The following MAGI2 variants were observed in gnomAD, a reference collection of about 807,000 sequenced individuals.
The protein encoded by MAGI2 is membrane associated guanylate kinase, WW and PDZ domain containing 2.
MAGI2 carries 35 observed loss-of-function variants against 133.3 expected under a neutral mutation model. The observed-to-expected ratio is 0.26, with a 90% CI of 0.20 to 0.35. MAGI2 has a LOEUF of 0.35. MAGI2 is among the 10% of genes least tolerant of loss of function. The probability of loss-of-function intolerance (pLI) is 1.00; values close to 1 mark genes in which losing one functional copy is unlikely to be tolerated. For synonymous variants in MAGI2, 729 were observed against 710.6 expected (o/e 1.03, Z -0.41); for missense variants, 1,636 against 1,863.4 (o/e 0.88, Z 2.25).
intron 3 of MAGI2, among the ~76,000 whole-genome samples, chr7:78,557,987 T>TA (rs1316773134): frequency 1.3e-5 from 2 of 151,326 alleles, no homozygotes; most frequent in Non-Finnish European, 3.0e-5. Context: ...TTTTTTTTTT[T>TA]AAAAAATAGT....
intron 9 of MAGI2, among the ~76,000 whole-genome samples, chr7:78,275,124 G>C (rs1794937731): frequency 6.6e-6 from 1 of 152,220 alleles, no homozygotes; most frequent in Non-Finnish European, 1.5e-5. Flanking sequence ...AAGATGGTGG[G>C]AAAAGCACAG....
chr7:78,068,329 G>A (rs1203873479), intron 21 of MAGI2, among the ~76,000 whole-genome samples: 2 of 152,168 alleles, frequency 1.3e-5, no homozygotes, highest in Non-Finnish European at 2.9e-5. Flanking sequence ...CCTGCTATGT[G>A]GCCCGGTTCC....
chr7:79,288,051 C>T (rs76421287), intron 1 of MAGI2, among the ~76,000 whole-genome samples: 3,289 of 152,176 alleles, frequency 0.022, 135 homozygotes, highest in African/African-American at 0.074. Context: ...TATTTATCAA[C>T]GCATATATAT....
At chr7:78,423,960 C>T (rs981246701) in intron 6 of MAGI2, among the ~76,000 whole-genome samples, 5 of 152,148 alleles carry the variant, frequency 3.3e-5, no homozygotes, top group African/African-American at 1.2e-4. Flanking sequence ...AAGAAAAACC[C>T]ATTTTCTGAG....
At chr7:78,203,188 CCTT>C (rs1445463589) in intron 10 of MAGI2, among the ~76,000 whole-genome samples, 15 of 152,268 alleles carry the variant, frequency 9.9e-5, no homozygotes, top group Non-Finnish European at 1.9e-4. Flanking sequence ...TGTGTCATCA[CCTT>C]CTTCCTGCAA....
chr7:78,533,357 T>A (rs576161068), intron 3 of MAGI2, among the ~76,000 whole-genome samples: 1 of 151,736 alleles, frequency 6.6e-6, no homozygotes, highest in African/African-American at 2.4e-5. Flanking sequence ...AGAAAATACA[T>A]AGGAATAAGA....
At chr7:78,511,025 T>A (rs541610873) in intron 4 of MAGI2, among the ~76,000 whole-genome samples, 10 of 152,300 alleles carry the variant, frequency 6.6e-5, no homozygotes, top group African/African-American at 2.4e-4. Flanking sequence ...CATGCTTTTG[T>A]GCAAACCCAA....
At chr7:78,259,337 T>C (rs111618333) in intron 9 of MAGI2, among the ~76,000 whole-genome samples, 4,228 of 152,240 alleles carry the variant, frequency 0.028, 95 homozygotes, top group Non-Finnish European at 0.037. Flanking sequence ...AGTTCTAGTT[T>C]CATCACTTAT....
intron 2 of MAGI2, among the ~76,000 whole-genome samples, chr7:78,716,284 G>C (rs79827040): frequency 1.4e-3 from 208 of 152,166 alleles, no homozygotes; most frequent in African/African-American, 4.6e-3. Flanking sequence ...AGTTGAGATG[G>C]CTTACTATTA....
chr7:78,467,446 CA>C (rs1219138191), intron 6 of MAGI2, among the ~76,000 whole-genome samples: 1 of 151,694 alleles, frequency 6.6e-6, no homozygotes, highest in South Asian at 2.1e-4. Context: ...TTAATTAAAA[CA>C]AAAAACTATC....
chr7:78,109,043 GC>G lies in MAGI2; in HGVS notation c.3567+16650del, dbSNP rs1819023780. Among the ~76,000 whole-genome samples, 5 of 152,006 alleles carry G rather than the reference GC, an allele frequency of 3.3e-5. No individual in the cohort carries two copies. In the South Asian group the frequency reaches 1.0e-3, roughly 31 times the overall value. ...ATCCGGGCTGGGCGCGGTGGCTCAT[GC>G]CTGTAATCCCAGCACTTTGGGAGGC... On this transcript the variant is annotated intron_variant, in intron 20 of 21. Transcript: ENST00000354212.
chr7:79,328,017 G>A (rs1358473), intron 1 of MAGI2, among the ~76,000 whole-genome samples: 87,164 of 151,860 alleles, frequency 0.57, 27,083 homozygotes, highest in Non-Finnish European at 0.69. Flanking sequence ...TTAACTGGCC[G>A]TCCTCTGAGA....
intron 1 of MAGI2, among the ~76,000 whole-genome samples, chr7:79,280,926 GAAAAAAAAAAAAAAAAAAA>G (rs71095390): frequency 1.1e-4 from 4 of 35,788 alleles, no homozygotes; most frequent in South Asian, 2.3e-3. Context: ...CTCTGTCTCT[GAAAAAAAAAAAAAAAAAAA>G]AAAAAAAAAA....
chr7:78,528,445 T>C (rs879570220), intron 3 of MAGI2, among the ~76,000 whole-genome samples: 4 of 152,210 alleles, frequency 2.6e-5, no homozygotes, highest in East Asian at 1.9e-4. Flanking sequence ...AAACAAGGGA[T>C]AGTAATGAGT....
chr7:78,717,390 T>A (rs1819823376), intron 2 of MAGI2, among the ~76,000 whole-genome samples: 1 of 152,112 alleles, frequency 6.6e-6, no homozygotes, highest in Non-Finnish European at 1.5e-5. Flanking sequence ...ATGCCATATA[T>A]CAATGAACTG....
At chr7:78,338,136 T>C (rs1013783457) in intron 9 of MAGI2, among the ~76,000 whole-genome samples, 22 of 152,264 alleles carry the variant, frequency 1.4e-4, no homozygotes, top group African/African-American at 5.1e-4. Flanking sequence ...GACTCTATAC[T>C]GTCTCTGATG....
chr7:78,125,245 A>C (rs1055993541), intron 20 of MAGI2, among the ~76,000 whole-genome samples: 2 of 152,170 alleles, frequency 1.3e-5, no homozygotes, highest in African/African-American at 4.8e-5. Context: ...CCCAGTATCA[A>C]ACCAAAAGAC....
chr7:79,391,831 A>G (rs939172960), intron 1 of MAGI2, among the ~76,000 whole-genome samples: 15 of 151,410 alleles, frequency 9.9e-5, no homozygotes, highest in Non-Finnish European at 7.4e-5. Flanking sequence ...CTACAGGCGC[A>G]CGCCACCACA....
At chr7:78,143,917 C>A (rs1433077637) in intron 16 of MAGI2, among the ~76,000 whole-genome samples, 1 of 150,302 alleles carries the variant, frequency 6.7e-6, no homozygotes, top group South Asian at 2.1e-4. Flanking sequence ...CACTTATAGT[C>A]CTATAAGTTT....
Sources: allele counts gnomAD v4.1 joint callset (sites outside exome capture counted in the v4.1 genomes callset), GRCh38; gene constraint gnomAD v4.1.1; transcripts MANE v1.5; gene names NCBI Gene and HGNC (gene_info 2026-07-23, HGNC 2026-07-21).